The following LRFN5 variants were observed in gnomAD, a reference collection of about 807,000 sequenced individuals.
The protein encoded by LRFN5 is leucine rich repeat and fibronectin type III domain containing 5.
LRFN5 carries 24 observed loss-of-function variants against 45.6 expected under a neutral mutation model. The ratio of observed to expected loss-of-function variants is 0.53; its 90% CI spans 0.38 to 0.74. The LOEUF (loss-of-function observed/expected upper bound fraction) is 0.74, where lower values mean the gene tolerates loss of function less well. Ranked by LOEUF, LRFN5 falls within the 30% of genes least tolerant of loss-of-function variation. LRFN5 has a pLI of 0.00. For missense variants in LRFN5, 776 were observed against 861.5 expected (o/e 0.90, Z 1.24); for synonymous variants, 340 against 313.8 (o/e 1.08, Z -0.88).
intron 1 of LRFN5, among the ~76,000 whole-genome samples, chr14:41,663,221 A>G (rs1880738440): frequency 6.6e-6 from 1 of 152,150 alleles, no homozygotes; most frequent in Non-Finnish European, 1.5e-5. Context: ...GAGTAGAATC[A>G]GCATTTGATG....
intron 2 of LRFN5, among the ~76,000 whole-genome samples, chr14:41,805,804 G>C (rs1295726285): frequency 6.6e-6 from 1 of 152,122 alleles, no homozygotes; most frequent in Non-Finnish European, 1.5e-5. Context: ...ACAAACGTAG[G>C]AGCTGAGTGA....
chr14:41,854,053 C>G (rs1010866027), intron 2 of LRFN5, among the ~76,000 whole-genome samples: 3 of 152,038 alleles, frequency 2.0e-5, no homozygotes, highest in Non-Finnish European at 2.9e-5. Context: ...AGTAAAGTGA[C>G]TTGTCTGGGT....
At chr14:41,636,652 C>T (rs1879321772) in intron 1 of LRFN5, among the ~76,000 whole-genome samples, 1 of 151,992 alleles carries the variant, frequency 6.6e-6, no homozygotes, top group African/African-American at 2.4e-5. Context: ...AGGCTATGGT[C>T]TCCAGTAGGA....
At chr14:41,813,797 A>C (rs909241124) in intron 2 of LRFN5, among the ~76,000 whole-genome samples, 2 of 152,180 alleles carry the variant, frequency 1.3e-5, no homozygotes, top group Non-Finnish European at 2.9e-5. Context: ...GAACTAATTT[A>C]CATCCCCACC....
chr14:41,861,346 C>G (rs1036716417), intron 2 of LRFN5, among the ~76,000 whole-genome samples: 1 of 152,120 alleles, frequency 6.6e-6, no homozygotes, highest in African/African-American at 2.4e-5. Context: ...CATTCTATTA[C>G]TATAAAGAAG....
chr14:41,673,715 A>T (rs1324723516), intron 1 of LRFN5, among the ~76,000 whole-genome samples: 1 of 126,972 alleles, frequency 7.9e-6, no homozygotes, highest in African/African-American at 3.1e-5. Flanking sequence ...CTGGCCGGGC[A>T]GAGGGGCTCC....
chr14:41,610,661 TAAAAAAAAAA>T (rs199770856), intron 1 of LRFN5, among the ~76,000 whole-genome samples: 1 of 37,340 alleles, frequency 2.7e-5, no homozygotes, highest in Non-Finnish European at 6.8e-5. Flanking sequence ...CCAGGGAAGG[TAAAAAAAAAA>T]AAAAAAAAAA....
At chr14:41,785,443 T>C (rs935873299) in intron 2 of LRFN5, among the ~76,000 whole-genome samples, 11 of 152,154 alleles carry the variant, frequency 7.2e-5, no homozygotes, top group Non-Finnish European at 1.5e-4. Context: ...GTTTATTTTT[T>C]ATGGTTTGCT....
At chr14:41,655,940 T>G (rs1488491618) in intron 1 of LRFN5, among the ~76,000 whole-genome samples, 27 of 152,074 alleles carry the variant, frequency 1.8e-4, no homozygotes, top group Admixed American at 1.8e-3. Flanking sequence ...TATTAGCATT[T>G]AATATTTTTA....
At position 41,886,961 on chromosome 14, in the gene LRFN5, T is replaced by G; in HGVS notation, c.336T>G (p.Thr112=). The change falls in exon 3 of 6, where the codon ACT becomes ACG. Residue 112 remains threonine, a synonymous_variant. Coordinates refer to ENST00000298119, the MANE Select transcript of LRFN5 (RefSeq NM_152447.5). ...RALHLNSNRL[T]KITNDMFSGL... ...TGCATTTGAATAGCAACAGATTGAC[T>G]AAAATTACAAATGATATGTTCAGTG... 1 of 1,614,204 alleles carries G rather than the reference T, an allele frequency of 6.2e-7. No individual in the cohort carries two copies. Among genetic ancestry groups the G allele is most frequent in the South Asian group, 1.1e-5 (1 of 91,086 alleles).
intron 2 of LRFN5, among the ~76,000 whole-genome samples, chr14:41,848,545 G>A (rs1372525488): frequency 6.6e-6 from 1 of 151,718 alleles, no homozygotes; most frequent in Admixed American, 6.6e-5. Context: ...ACAATGAAGA[G>A]GGCTTCAGGT....
intron 2 of LRFN5, among the ~76,000 whole-genome samples, chr14:41,827,980 C>T (rs992344989): frequency 5.9e-5 from 9 of 151,992 alleles, no homozygotes; most frequent in African/African-American, 2.2e-4. Context: ...TTTGCACTTG[C>T]TTCAAGGTTG....
chr14:41,896,206 C>T (rs1890934396), intron 4 of LRFN5, among the ~76,000 whole-genome samples: 1 of 152,026 alleles, frequency 6.6e-6, no homozygotes, highest in Admixed American at 6.6e-5. Context: ...TATAAAGTAT[C>T]ATCTTTTGGG....
intron 2 of LRFN5, among the ~76,000 whole-genome samples, chr14:41,799,451 TCTC>T (rs1179286734): frequency 6.6e-6 from 1 of 151,866 alleles, no homozygotes; most frequent in Non-Finnish European, 1.5e-5. Context: ...ACATTTCACT[TCTC>T]CTTTCCCTCA....
chr14:41,698,487 C>T (rs916988479), intron 1 of LRFN5, among the ~76,000 whole-genome samples: 1 of 152,008 alleles, frequency 6.6e-6, no homozygotes, highest in Non-Finnish European at 1.5e-5. Flanking sequence ...TTTAGAAATA[C>T]CATTGCCTGG....
intron 1 of LRFN5, among the ~76,000 whole-genome samples, chr14:41,704,888 A>G (rs1883001052): frequency 1.3e-5 from 2 of 152,122 alleles, no homozygotes; most frequent in Non-Finnish European, 2.9e-5. Context: ...AACTTATTGT[A>G]AGCAATTAGG....
rs1440296039 is a variant in LRFN5 at position 41,674,642 on chromosome 14, A to G, written c.-197+66080A>G. Reference sequence around the variant, plus strand: ...TCCCTCCTGGACGGGGCGGTTGGCCAGGTGGGGGGCTGATCCCCCCACCTC... The same window carrying G: ...TCCCTCCTGGACGGGGCGGTTGGCCGGGTGGGGGGCTGATCCCCCCACCTC... On this transcript the variant is annotated intron_variant, in intron 1 of 5. Coordinates refer to ENST00000298119, the MANE Select transcript of LRFN5 (RefSeq NM_152447.5). 3.1e-5 allele frequency among the ~76,000 whole-genome samples: 4 copies of G among 127,308 alleles called. No homozygotes were observed. The South Asian group carries it at 8.6e-4, about 27-fold the overall frequency. The allele number at this position is 127,308 out of a possible 152,430, so 83.5% of individuals were successfully genotyped here.
At chr14:41,858,470 C>G (rs529119842) in intron 2 of LRFN5, among the ~76,000 whole-genome samples, 48 of 152,130 alleles carry the variant, frequency 3.2e-4, no homozygotes, top group African/African-American at 6.5e-4. Flanking sequence ...TGTCTCAGCT[C>G]TTGGCCTCAC....
intron 2 of LRFN5, among the ~76,000 whole-genome samples, chr14:41,827,415 A>G (rs935221644): frequency 5.9e-5 from 9 of 152,198 alleles, no homozygotes; most frequent in African/African-American, 1.9e-4. Flanking sequence ...ATAGAATCAT[A>G]TTTCAAAAGT....
Sources: allele counts gnomAD v4.1 joint callset (sites outside exome capture counted in the v4.1 genomes callset), GRCh38; gene constraint gnomAD v4.1.1; transcripts MANE v1.5; gene names NCBI Gene and HGNC (gene_info 2026-07-23, HGNC 2026-07-21).